FREM2: variants seen among roughly 807,000 people sequenced by gnomAD.
FREM2 encodes FRAS1 related extracellular matrix 2, also known as FRAS1-related extracellular matrix protein 2.
In FREM2, 119 loss-of-function variants were observed where a neutral mutation model predicts 219.9. The ratio of observed to expected loss-of-function variants is 0.54; its 90% CI spans 0.47 to 0.63. The LOEUF is 0.63. FREM2 is among the 30% of genes least tolerant of loss of function. The probability of loss-of-function intolerance (pLI) is 0.00; values close to 1 mark genes in which losing one functional copy is unlikely to be tolerated. For synonymous variants in FREM2, 1,562 were observed against 1,522.8 expected, an observed-to-expected ratio of 1.03 and a Z score of -0.60; for missense variants, 4,030 against 3,993.6, an observed-to-expected ratio of 1.01 and a Z score of -0.25.
intron 15 of FREM2, 58 bp downstream of exon 15, chr13:38,861,620 G>A: frequency 6.3e-7 from 1 of 1,579,740 alleles, no homozygotes; most frequent in South Asian, 1.1e-5. Flanking sequence ...ATTACCTGTT[G>A]TATTTTCCTT....
chr13:38,806,016 G>A (rs1169569231), intron 6 of FREM2, among the ~76,000 whole-genome samples: 1 of 121,772 alleles, frequency 8.2e-6, no homozygotes, highest in Non-Finnish European at 1.8e-5. Flanking sequence ...TTTTTTTTTT[G>A]TAATAGTTTC....
intron 2 of FREM2, among the ~76,000 whole-genome samples, chr13:38,756,516 T>C (rs2137800582): frequency 6.9e-6 from 1 of 145,888 alleles, no homozygotes; most frequent in East Asian, 2.0e-4. Flanking sequence ...AGCACTATGG[T>C]TGGGGACCTT....
rs1877621232 is a variant in FREM2, at chr13:38,857,907, G to T, written c.7089G>T (p.Met2363Ile). The change falls in exon 13 of 24, where the codon ATG (methionine) becomes ATT (isoleucine). Residue 2363 changes from methionine (M) to isoleucine (I), a missense_variant. Coordinates refer to ENST00000280481, the MANE Select transcript of FREM2 (RefSeq NM_207361.6). ...LTKAIVYIEEMSSMADVTFPS... is the reference protein window; with the variant it reads ...LTKAIVYIEEISSMADVTFPS... ...AAGCCATTGTGTACATAGAAGAAATGAGCAGCATGGCAGATGTCACTTTTC... is the reference window on the plus strand; with the variant it reads ...AAGCCATTGTGTACATAGAAGAAATTAGCAGCATGGCAGATGTCACTTTTC... 6.2e-7 allele frequency: 1 copy of T among 1,613,650 alleles called. No individual in the cohort carries two copies. The highest frequency in any genetic ancestry group is 8.5e-7 in the Non-Finnish European group (1 of 1,179,680).
intron 1 of FREM2, among the ~76,000 whole-genome samples, chr13:38,696,985 A>G (rs1297061888): frequency 6.6e-6 from 1 of 151,914 alleles, no homozygotes; most frequent in Non-Finnish European, 1.5e-5. Flanking sequence ...TTTTTAATAG[A>G]GACAGGGTTT....
intron 6 of FREM2, among the ~76,000 whole-genome samples, chr13:38,802,226 G>A (rs2137852067): frequency 6.6e-6 from 1 of 152,340 alleles, no homozygotes; most frequent in South Asian, 2.1e-4. Flanking sequence ...AGATTATCGT[G>A]GGCCTGCCAC....
chr13:38,813,575 A>C (rs868514982), intron 6 of FREM2, among the ~76,000 whole-genome samples: 1 of 90,448 alleles, frequency 1.1e-5, no homozygotes, highest in Non-Finnish European at 1.9e-5. Context: ...ATATATATAT[A>C]TATATATATA....
At chr13:38,834,419 G>A (rs2137892119) in intron 6 of FREM2, among the ~76,000 whole-genome samples, 1 of 151,650 alleles carries the variant, frequency 6.6e-6, no homozygotes, top group African/African-American at 2.4e-5. Context: ...GTCTAACGTT[G>A]ATGGACATTT....
intron 2 of FREM2, among the ~76,000 whole-genome samples, chr13:38,757,851 G>A (rs1873076483): frequency 6.6e-6 from 1 of 152,042 alleles, no homozygotes; most frequent in Non-Finnish European, 1.5e-5. Context: ...GCCTCCCAAA[G>A]TGCTGGGATT....
At chr13:38,805,762 T>A (rs922632202) in intron 6 of FREM2, among the ~76,000 whole-genome samples, 65 of 151,932 alleles carry the variant, frequency 4.3e-4, no homozygotes, top group African/African-American at 1.5e-3. Flanking sequence ...TTTTTGGCTG[T>A]TAGCTACAAA....
At chr13:38,836,804 T>C (rs999960337) in intron 6 of FREM2, among the ~76,000 whole-genome samples, 2 of 152,180 alleles carry the variant, frequency 1.3e-5, no homozygotes, top group African/African-American at 2.4e-5. Flanking sequence ...CCTTTATCAT[T>C]CTTTATTGTG....
At chr13:38,843,518 A>G (rs1877038598) in intron 6 of FREM2, among the ~76,000 whole-genome samples, 1 of 152,178 alleles carries the variant, frequency 6.6e-6, no homozygotes, top group South Asian at 2.1e-4. Context: ...GGGACAAGCA[A>G]TTATTCTGGA....
At chr13:38,754,894 TGA>T (rs1566129701) in intron 2 of FREM2, among the ~76,000 whole-genome samples, 99 of 128,116 alleles carry the variant, frequency 7.7e-4, no homozygotes, top group South Asian at 1.8e-3. Flanking sequence ...ATGATGATGA[TGA>T]TGATGATTAT....
intron 2 of FREM2, among the ~76,000 whole-genome samples, chr13:38,756,529 T>G (rs1873007184): frequency 6.8e-6 from 1 of 146,988 alleles, no homozygotes; most frequent in Non-Finnish European, 1.5e-5. Context: ...GGGACCTTTT[T>G]TTTTTTTTTT....
chr13:38,813,464 TTCTCTCTCTC>T lies in FREM2; in HGVS notation c.6019+28701_6019+28710del, dbSNP rs1170570605. Among the ~76,000 whole-genome samples, 125 of 60,448 alleles carry T rather than the reference TTCTCTCTCTC, an allele frequency of 2.1e-3. 14 individuals carry two copies. The highest frequency in any genetic ancestry group is 8.0e-3 in the East Asian group (15 of 1,872). The allele number at this position is 60,448 out of a possible 152,430, so 39.7% of individuals were successfully genotyped here. The stretch of plus-strand genomic sequence containing the variant: ...GCAGCTTTATTATATGTTATTTGTT[TTCTCTCTCTC>T]TCTCTCTCTCTCTCTCTCTCTCTCT... On this transcript the variant is annotated intron_variant, in intron 6 of 23. Transcript: ENST00000280481.
At position 38,854,979 on chromosome 13, in the gene FREM2, C is replaced by T. The variant is rs202094339; in HGVS notation, c.6926-1147C>T. On this transcript the variant is annotated intron_variant, in intron 11 of 23. Coordinates refer to ENST00000280481, the MANE Select transcript of FREM2 (RefSeq NM_207361.6). ...TTATGCTTTATAGGCTTTATATTTT[C>T]TCCTTTGAAACGGTATCTTAAAAGG... Among the ~76,000 whole-genome samples, 84 of 152,236 alleles carry T rather than the reference C, an allele frequency of 5.5e-4. No homozygotes were observed. In the East Asian group the frequency reaches 0.013, roughly 23 times the overall value.
intron 2 of FREM2, among the ~76,000 whole-genome samples, chr13:38,700,815 C>T (rs1870315132): frequency 6.6e-6 from 1 of 152,048 alleles, no homozygotes; most frequent in African/African-American, 2.4e-5. Flanking sequence ...GTTCTCCAGA[C>T]CAACTTTCTA....
chr13:38,721,315 A>G (rs1037424287), intron 2 of FREM2, among the ~76,000 whole-genome samples: 3 of 152,206 alleles, frequency 2.0e-5, no homozygotes, highest in Non-Finnish European at 4.4e-5. Flanking sequence ...ACAAGACATT[A>G]GAGGCAGGAC....
In FREM2 at chr13:38,864,596, C is replaced by T. The variant is rs768438595; in HGVS notation, c.7973C>T (p.Thr2658Ile). The change falls in exon 16 of 24, where the codon ACA (threonine) becomes ATA (isoleucine). Residue 2658 changes from threonine to isoleucine, a missense_variant. By Grantham distance (89) the Thr-to-Ile change is moderately conservative (BLOSUM62 -1). Coordinates refer to ENST00000280481, the MANE Select transcript of FREM2 (RefSeq NM_207361.6). The stretch of plus-strand genomic sequence containing the variant: ...GCTGACTGTGGTGGCACCATTGGAA[C>T]AGATGGACAGGTACAGATTTATAAC... ...LLADCGGTIG[T>I]DGQVLNLVQS... is the part of the protein sequence containing the mutation. 1 of 1,613,924 alleles carries T rather than the reference C, an allele frequency of 6.2e-7. No individual in the cohort carries two copies. The highest frequency in any genetic ancestry group is 8.5e-7 in the Non-Finnish European group (1 of 1,179,772).
chr13:38,688,720 G>A lies in FREM2; in HGVS notation c.1376G>A (p.Gly459Asp). 1 of 1,613,918 alleles carries A rather than the reference G, an allele frequency of 6.2e-7. No individual in the cohort carries two copies. Among genetic ancestry groups the A allele is most frequent in the Non-Finnish European group, 8.5e-7 (1 of 1,179,872 alleles). ...GAGGGTCAGTCTCGGCCCCTCACAGGCCCTGCAGGCAGTGGTCCGCAAAAC... is the reference window on the plus strand; with the variant it reads ...GAGGGTCAGTCTCGGCCCCTCACAGACCCTGCAGGCAGTGGTCCGCAAAAC... Reference protein sequence around the residue: ...LYEGQSRPLTGPAGSGPQNLV... With the variant: ...LYEGQSRPLTDPAGSGPQNLV... Residue 459 changes from glycine (G) to aspartate (D), a missense_variant, in exon 1 of 24, where the codon GGC becomes GAC. By Grantham distance (94) the Gly-to-Asp change is moderately conservative. Transcript: ENST00000280481.
Sources: gnomAD v4.1 joint callset for allele counts (sites outside exome capture counted in the v4.1 genomes callset) on GRCh38, gnomAD v4.1.1 for gene constraint, MANE v1.5 for transcripts, NCBI Gene and HGNC (gene_info 2026-07-23, HGNC 2026-07-21) for gene names.